STK24: variants seen among roughly 807,000 people sequenced by gnomAD.
STK24 encodes the protein serine/threonine kinase 24.
A neutral mutation model predicts 55.6 loss-of-function variants in STK24; 21 were observed. The ratio of observed to expected loss-of-function variants is 0.38; its 90% CI spans 0.27 to 0.54. The LOEUF is 0.54. STK24 is among the 20% of genes least tolerant of loss of function. The probability of loss-of-function intolerance (pLI) is 0.79; values close to 1 mark genes in which losing one functional copy is unlikely to be tolerated. For missense variants in STK24, 383 were observed against 538.4 expected (o/e 0.71, Z 2.86); for synonymous variants, 200 against 215.2 (o/e 0.93, Z 0.62).
At chr13:98,467,484 C>T (rs1341975435) in intron 5 of STK24, among the ~76,000 whole-genome samples, 26 of 152,140 alleles carry the variant, frequency 1.7e-4, no homozygotes, top group Non-Finnish European at 1.5e-5. Context: ...ACTGCCAGGT[C>T]GCTAAGGCTC....
chr13:98,576,716 T>A, intron 1 of STK24, 29 bp downstream of exon 1: 1 of 1,455,662 alleles, frequency 6.9e-7, no homozygotes, highest in Non-Finnish European at 9.0e-7. Flanking sequence ...CGGTCGCGCA[T>A]CCCGGCCCCG....
At chr13:98,526,332 G>C (rs886143549) in intron 1 of STK24, among the ~76,000 whole-genome samples, 2 of 152,158 alleles carry the variant, frequency 1.3e-5, no homozygotes, top group Non-Finnish European at 2.9e-5. Context: ...CAGCCTAATA[G>C]GAGTGGATTT....
chr13:98,543,043 G>T (rs745711005), intron 1 of STK24: 1 of 985,220 alleles, frequency 1.0e-6, no homozygotes, highest in African/African-American at 1.7e-5. Flanking sequence ...AGCCTCCGGG[G>T]GCTTACAGGT....
chr13:98,505,635 AC>A (rs758747503), intron 2 of STK24, among the ~76,000 whole-genome samples: 5 of 152,246 alleles, frequency 3.3e-5, no homozygotes, highest in Admixed American at 1.3e-4. Flanking sequence ...TAACTTGAGT[AC>A]CTAATCTAGT....
intron 2 of STK24, among the ~76,000 whole-genome samples, chr13:98,503,024 G>GGT (rs759314930): frequency 9.3e-6 from 1 of 107,084 alleles, no homozygotes; most frequent in Admixed American, 1.0e-4. Flanking sequence ...CTTTCCATGT[G>GGT]TTTTTTTTTT....
At chr13:98,520,247 C>T (rs566580189) in intron 1 of STK24, among the ~76,000 whole-genome samples, 1 of 152,330 alleles carries the variant, frequency 6.6e-6, no homozygotes, top group East Asian at 1.9e-4. Flanking sequence ...TGTCAGGAAA[C>T]TGAGAAGCAA....
In STK24 at chr13:98,452,957, T is replaced by C; in HGVS notation, c.*216A>G. ...TAATAAAATAAAATAAAATGATCGC[T>C]GGAAGGAGCTGACCCTCCCCACCCA... On this transcript the variant is annotated 3_prime_UTR_variant, in exon 11 of 11. Coordinates refer to ENST00000539966, the MANE Select transcript of STK24 (RefSeq NM_001032296.4). 1 of 453,450 alleles carries C rather than the reference T, an allele frequency of 2.2e-6. No individual in the cohort carries two copies. Among genetic ancestry groups the C allele is most frequent in the African/African-American group, 2.0e-5 (1 of 49,620 alleles). The allele number at this position is 453,450 out of a possible 1,614,324, so 28.1% of individuals were successfully genotyped here. A position where few individuals can be genotyped will look rare whatever the true frequency, so the allele number is the denominator to read the frequency against.
chr13:98,474,608 G>A (rs759485271), intron 5 of STK24, among the ~76,000 whole-genome samples: 1 of 152,066 alleles, frequency 6.6e-6, no homozygotes, highest in African/African-American at 2.4e-5. Flanking sequence ...TAAAAACCTC[G>A]ATCATGGTGG....
intron 2 of STK24, among the ~76,000 whole-genome samples, chr13:98,484,223 G>A (rs994723871): frequency 6.6e-6 from 1 of 152,176 alleles, no homozygotes; most frequent in African/African-American, 2.4e-5. Flanking sequence ...TGCTCCTGGG[G>A]AATGGGTATG....
At position 98,563,859 on chromosome 13, in the gene STK24, CAA is replaced by C. The variant is rs1366378656; in HGVS notation, c.42+12884_42+12885del. ...TGGGTGAAGGAGCGAGACTCCGTCT[CAA>C]AAAAAAAAAAAAAAGTTTCCAATTC... On this transcript the variant is annotated intron_variant, in intron 1 of 10. Coordinates refer to ENST00000539966, the MANE Select transcript of STK24 (RefSeq NM_001032296.4). Among the ~76,000 whole-genome samples the C allele has an allele frequency of 1.6e-3, 137 of 83,082 alleles. 1 individual carries two copies. The highest frequency in any genetic ancestry group is 2.3e-3 in the Non-Finnish European group (92 of 39,208). 54.5% of individuals were successfully genotyped at this position (83,082 alleles called of 152,430 possible). A position where few individuals can be genotyped will look rare whatever the true frequency, so the allele number is the denominator to read the frequency against.
chr13:98,454,009 C>T (rs949883476), intron 10 of STK24: 7 of 152,182 alleles, frequency 4.6e-5, no homozygotes, highest in Admixed American at 3.3e-4. Flanking sequence ...CCCATGCTGG[C>T]GCTCAAAAGT....
chr13:98,555,707 G>C (rs1157688013), intron 1 of STK24, among the ~76,000 whole-genome samples: 2 of 132,666 alleles, frequency 1.5e-5, no homozygotes, highest in Non-Finnish European at 3.2e-5. Context: ...TTGAGATGGA[G>C]TCTTGCTCAG....
At chr13:98,517,597 T>A (rs1173047560) in intron 2 of STK24, among the ~76,000 whole-genome samples, 1 of 151,798 alleles carries the variant, frequency 6.6e-6, no homozygotes, top group Non-Finnish European at 1.5e-5. Flanking sequence ...CCCACTACAC[T>A]CCAGTCTGGG....
At chr13:98,538,222 CTT>C (rs55720452) in intron 1 of STK24, among the ~76,000 whole-genome samples, 974 of 91,586 alleles carry the variant, frequency 0.011, 10 homozygotes, top group African/African-American at 0.036. Context: ...TTGGTGCTTG[CTT>C]TTTTTTTTTT....
chr13:98,468,835 T>G (rs1894024901), intron 5 of STK24, among the ~76,000 whole-genome samples: 1 of 152,262 alleles, frequency 6.6e-6, no homozygotes, highest in African/African-American at 2.4e-5. Context: ...TCCTTTGTGC[T>G]GGGATATTCC....
chr13:98,476,341 G>T (rs1193859712), intron 3 of STK24, among the ~76,000 whole-genome samples: 1 of 150,820 alleles, frequency 6.6e-6, no homozygotes, highest in East Asian at 1.9e-4. Flanking sequence ...CACAGAAACG[G>T]AGCCAGACAG....
chr13:98,509,994 A>T (rs192615786), intron 2 of STK24, among the ~76,000 whole-genome samples: 236 of 152,356 alleles, frequency 1.5e-3, no homozygotes, highest in Middle Eastern at 0.01. Context: ...TATCACATGT[A>T]CCTCAGATAT....
chr13:98,510,643 G>A (rs1286034137), intron 2 of STK24, among the ~76,000 whole-genome samples: 8 of 152,142 alleles, frequency 5.3e-5, no homozygotes, highest in African/African-American at 7.2e-5. Flanking sequence ...AAAACATGCC[G>A]CGTGAAACAA....
intron 1 of STK24, among the ~76,000 whole-genome samples, chr13:98,575,239 T>C (rs757335392): frequency 3.9e-5 from 6 of 152,158 alleles, no homozygotes; most frequent in Non-Finnish European, 5.9e-5. Context: ...AAGTTTAGGT[T>C]TTGAATGCAT....
Sources: allele counts gnomAD v4.1 joint callset (sites outside exome capture counted in the v4.1 genomes callset), GRCh38; gene constraint gnomAD v4.1.1; transcripts MANE v1.5; gene names NCBI Gene and HGNC (gene_info 2026-07-23, HGNC 2026-07-21).